Variants in APCDD1L observed in about 807,000 individuals in gnomAD.
The protein encoded by APCDD1L is protein APCDD1-like.
Under a neutral mutation model 24.2 loss-of-function variants are expected in APCDD1L, and 21 were observed. The observed-to-expected ratio is 0.87, with a 90% CI of 0.61 to 1.25. The LOEUF (loss-of-function observed/expected upper bound fraction) is 1.25, where lower values mean the gene tolerates loss of function less well. Among genes scored for constraint, APCDD1L ranks in the 50% most tolerant of loss-of-function variants. The probability of loss-of-function intolerance (pLI) is 0.00; values close to 1 mark genes in which losing one functional copy is unlikely to be tolerated. For synonymous variants in APCDD1L, 321 were observed against 323.6 expected, an observed-to-expected ratio of 0.99 and a Z score of 0.09; for missense variants, 704 against 711.7, an observed-to-expected ratio of 0.99 and a Z score of 0.12.
Position 58,461,706 on chromosome 20 carries a change from T to G in APCDD1L, c.742-152A>C. On this transcript the variant is annotated intron_variant, in intron 3 of 3. Coordinates refer to ENST00000371149, the MANE Select transcript of APCDD1L (RefSeq NM_153360.3). This position sits in a 1 kb window ranked among gnomAD's most constrained non-coding sequence, Gnocchi z 6.0. ...CTCTCTCCTCACTCCCTGCCTTCAG[T>G]CAGGACGACCTCCTTGCTTCAGCCA... 1 of 779,592 alleles carries G rather than the reference T, an allele frequency of 1.3e-6. No homozygotes were observed. Among genetic ancestry groups the G allele is most frequent in the Non-Finnish European group, 1.8e-6 (1 of 565,852 alleles). 48.3% of individuals were successfully genotyped at this position (779,592 alleles called of 1,614,324 possible). A position where few individuals can be genotyped will look rare whatever the true frequency, so the allele number is the denominator to read the frequency against.
intron 1 of APCDD1L, among the ~76,000 whole-genome samples, chr20:58,498,123 C>T (rs1321022600): frequency 6.6e-6 from 1 of 152,164 alleles, no homozygotes; most frequent in Non-Finnish European, 1.5e-5. Context: ...CTATGGCGTT[C>T]TTTGTCTCAT....
chr20:58,490,945 T>C (rs149868328), intron 1 of APCDD1L, among the ~76,000 whole-genome samples: 8 of 152,382 alleles, frequency 5.2e-5, no homozygotes, highest in Non-Finnish European at 1.0e-4. Flanking sequence ...ATGTCCATGT[T>C]GGGTCTATCC....
chr20:58,509,388 C>T (rs1193025480), intron 1 of APCDD1L, among the ~76,000 whole-genome samples: 1 of 152,144 alleles, frequency 6.6e-6, no homozygotes, highest in Non-Finnish European at 1.5e-5. Flanking sequence ...TTTGCCTGTC[C>T]AAGTTTCCAG....
chr20:58,483,667 G>C (rs907358026), intron 1 of APCDD1L, among the ~76,000 whole-genome samples: 1 of 152,248 alleles, frequency 6.6e-6, no homozygotes, highest in African/African-American at 2.4e-5. Context: ...CCTGGTGACA[G>C]GTGGTTGGAG....
In APCDD1L at chr20:58,461,430, C is replaced by T; in HGVS notation, c.866G>A (p.Cys289Tyr). The T allele has an allele frequency of 6.6e-7, 1 of 1,522,040 alleles. No homozygotes were observed. The allele number at this position is 1,522,040 out of a possible 1,614,324, so 94.3% of individuals were successfully genotyped here. ...HLGGWWVSSG[C>Y]EVRPAVLFLT... ...GAACAGGACTGCTGGGCGCACCTCG[C>T]ACCCCGAGCTGACCCACCAGCCGCC... Residue 289 changes from cysteine to tyrosine, a missense_variant, in exon 4 of 4, where the codon TGC (cysteine) becomes TAC (tyrosine). Physicochemically the swap from Cys to Tyr is radical, Grantham distance 194. Transcript: ENST00000371149. The surrounding 1 kb of genome is among the most constrained non-coding windows in gnomAD (Gnocchi z 6.0).
intron 1 of APCDD1L, among the ~76,000 whole-genome samples, chr20:58,500,682 C>T (rs756816665): frequency 1.3e-5 from 2 of 152,192 alleles, no homozygotes; most frequent in African/African-American, 2.4e-5. Context: ...CAATGGCTTT[C>T]CTTTCGGCTC....
intron 1 of APCDD1L, among the ~76,000 whole-genome samples, chr20:58,472,833 G>C (rs933296888): frequency 6.6e-6 from 1 of 152,186 alleles, no homozygotes; most frequent in African/African-American, 2.4e-5. Flanking sequence ...ATTTGTGGCA[G>C]GATATTGTAG....
At chr20:58,495,924 T>A (rs1326404104) in intron 1 of APCDD1L, among the ~76,000 whole-genome samples, 2 of 152,036 alleles carry the variant, frequency 1.3e-5, no homozygotes, top group Non-Finnish European at 2.9e-5. Context: ...CGGGTCCCCC[T>A]CTCCAGGCTG....
rs117307274 is a variant in APCDD1L at position 58,469,697 on chromosome 20, G to A, written c.188+912C>T. Among the ~76,000 whole-genome samples, 63 of 152,300 alleles carry A rather than the reference G, an allele frequency of 4.1e-4. No homozygotes were observed. In the East Asian group the frequency reaches 0.011, roughly 26 times the overall value. On this transcript the variant is annotated intron_variant, in intron 2 of 3. Transcript: ENST00000371149. ...CCTGGCTGAGCCTGCAAATGCATTC[G>A]AAGTGGCCTCGAAGGACTCATGTCC... is the stretch of plus-strand genomic sequence containing the variant.
intron 1 of APCDD1L, among the ~76,000 whole-genome samples, chr20:58,509,970 G>T (rs942894475): frequency 6.6e-6 from 1 of 152,052 alleles, no homozygotes. Context: ...TCCACCCCTT[G>T]GTCCCTCACT....
chr20:58,492,201 G>T (rs1424825381), intron 1 of APCDD1L, among the ~76,000 whole-genome samples: 2 of 152,166 alleles, frequency 1.3e-5, no homozygotes, highest in Non-Finnish European at 2.9e-5. Flanking sequence ...AAGGCAAGCT[G>T]GTAAATACGA....
chr20:58,463,977 C>T (rs973334862), intron 3 of APCDD1L, among the ~76,000 whole-genome samples: 2 of 144,834 alleles, frequency 1.4e-5, no homozygotes, highest in Admixed American at 7.2e-5. Context: ...TATATAATAT[C>T]GGAGACCATA....
chr20:58,488,513 C>T (rs1042137438), intron 1 of APCDD1L, among the ~76,000 whole-genome samples: 5 of 152,192 alleles, frequency 3.3e-5, no homozygotes, highest in African/African-American at 1.2e-4. Flanking sequence ...TGGTATTATA[C>T]AGGCTACAGT....
rs376234466 is a variant in APCDD1L at position 58,482,696 on chromosome 20, C to T, written c.50-11949G>A. On this transcript the variant is annotated intron_variant, in intron 1 of 3. Transcript: ENST00000371149. Reference sequence around the variant, plus strand: ...AGCCCACATTCATGGATCTGCTCGACCCTTATCACAAACCTTCCAGATAGG... The same window carrying T: ...AGCCCACATTCATGGATCTGCTCGATCCTTATCACAAACCTTCCAGATAGG... 7.9e-5 allele frequency among the ~76,000 whole-genome samples: 12 copies of T among 152,294 alleles called. No homozygotes were observed. The East Asian group carries it at 1.7e-3, about 22-fold the overall frequency.
At position 58,467,495 on chromosome 20, in the gene APCDD1L, C is replaced by T. The variant is rs150412267; in HGVS notation, c.352G>A (p.Val118Ile). 73 of 1,599,844 alleles carry T rather than the reference C, an allele frequency of 4.6e-5. No individual in the cohort carries two copies. In the African/African-American group the frequency reaches 9.3e-4, roughly 20 times the overall value. ...GKVRLRRASW[V>I]TRGATEADYH... is the part of the protein sequence containing the mutation. ...TCGGCCTCGGTGGCTCCCCGGGTGA[C>T]CCAGGAGGCCCGGCGCAGGCGGACT... is the stretch of plus-strand genomic sequence containing the variant. The change falls in exon 3 of 4, where the codon GTC (valine) becomes ATC (isoleucine). Residue 118 changes from valine to isoleucine, a missense_variant. Transcript: ENST00000371149. The surrounding 1 kb of genome is among the most constrained non-coding windows in gnomAD (Gnocchi z 5.9).
rs141384747 is a variant in APCDD1L, at chr20:58,497,122, T to G, written c.49+17537A>C. On this transcript the variant is annotated intron_variant, in intron 1 of 3. Coordinates refer to ENST00000371149, the MANE Select transcript of APCDD1L (RefSeq NM_153360.3). This position sits in a 1 kb window ranked among gnomAD's most constrained non-coding sequence, Gnocchi z 4.3. The stretch of plus-strand genomic sequence containing the variant: ...AGACAGGGCTCCAGGGTCAGCAGCG[T>G]GGACACCAGAGGTCACAAGATGGGG... Among the ~76,000 whole-genome samples the G allele has an allele frequency of 2.2e-3, 324 of 145,220 alleles. 1 individual carries two copies. The highest frequency in any genetic ancestry group is 7.9e-3 in the African/African-American group (301 of 38,260).
At chr20:58,472,850 C>T (rs867417882) in intron 1 of APCDD1L, among the ~76,000 whole-genome samples, 12 of 152,268 alleles carry the variant, frequency 7.9e-5, no homozygotes, top group Middle Eastern at 3.4e-3. Context: ...GTAGTGGGTA[C>T]GTAGGCACCA....
At chr20:58,477,118 T>C (rs1338914053) in intron 1 of APCDD1L, among the ~76,000 whole-genome samples, 4 of 152,280 alleles carry the variant, frequency 2.6e-5, no homozygotes, top group Admixed American at 1.3e-4. Flanking sequence ...GTGTATGCTT[T>C]GTCCAGTTTC....
rs1382000064 is a variant in APCDD1L, at chr20:58,497,777, C to T, written c.49+16882G>A. 2.0e-5 allele frequency among the ~76,000 whole-genome samples: 3 copies of T among 152,252 alleles called. No homozygotes were observed. Among genetic ancestry groups the T allele is most frequent in the East Asian group, 1.9e-4 (1 of 5,172 alleles). On this transcript the variant is annotated intron_variant, in intron 1 of 3. Coordinates refer to ENST00000371149, the MANE Select transcript of APCDD1L (RefSeq NM_153360.3). The surrounding 1 kb of genome is among the most constrained non-coding windows in gnomAD (Gnocchi z 4.3). ...ATTTGGGTAGGGGACACAATTCAAC[C>T]GGCAGCACTTACTGAAGATCACATG... is the stretch of plus-strand genomic sequence containing the variant.
Sources: allele counts gnomAD v4.1 joint callset (sites outside exome capture counted in the v4.1 genomes callset), GRCh38; gene constraint gnomAD v4.1.1; non-coding constraint Gnocchi (gnomAD v3.1); transcripts MANE v1.5; gene names NCBI Gene and HGNC (gene_info 2026-07-23, HGNC 2026-07-21).